RSL1D1: variants seen among roughly 807,000 people sequenced by gnomAD.
RSL1D1 encodes the protein ribosomal L1 domain containing 1.
Under a neutral mutation model 44.6 loss-of-function variants are expected in RSL1D1, and 34 were observed. The observed-to-expected ratio is 0.76, with a 90% CI of 0.58 to 1.02. The LOEUF is 1.02. RSL1D1 is among the 50% of genes least tolerant of loss of function. The pLI is 0.00. For missense variants in RSL1D1, 767 were observed against 568.1 expected, an observed-to-expected ratio of 1.35 and a Z score of -3.56; for synonymous variants, 271 against 207.4, an observed-to-expected ratio of 1.31 and a Z score of -2.63.
At position 11,841,760 on chromosome 16, in the gene RSL1D1, A is replaced by G; in HGVS notation, c.790T>C (p.Phe264Leu). The G allele has an allele frequency of 6.2e-7, 1 of 1,614,112 alleles. No individual in the cohort carries two copies. Among genetic ancestry groups the G allele is most frequent in the Non-Finnish European group, 8.5e-7 (1 of 1,179,988 alleles). ...TCCCAATTGCTGACAAACGAGGAAA[A>G]GATGGGAAGTGCAGCCGATTTCTCA... ...KTEKSAALPI[F>L]SSFVSNWDEA... Residue 264 changes from phenylalanine (F) to leucine (L), a missense_variant, in exon 7 of 9, where the codon TTT (phenylalanine) becomes CTT (leucine). Transcript: ENST00000571133.
intron 5 of RSL1D1, among the ~76,000 whole-genome samples, chr16:11,844,536 C>T (rs1220946995): frequency 1.3e-5 from 2 of 152,222 alleles, no homozygotes; most frequent in Non-Finnish European, 2.9e-5. Context: ...TACTTCATTA[C>T]ACCTGATGAA....
chr16:11,841,622 G>A (rs2053764229), intron 7 of RSL1D1, 73 bp downstream of exon 7: 1 of 1,400,278 alleles, frequency 7.1e-7, no homozygotes, highest in Non-Finnish European at 9.9e-7. Flanking sequence ...AGCGATGATG[G>A]TCTACTTCTC....
chr16:11,851,274 G>C lies in RSL1D1; in HGVS notation c.105+134C>G, dbSNP rs554440883. 2.1e-5 allele frequency: 17 copies of C among 822,290 alleles called. No individual in the cohort carries two copies. In the South Asian group the frequency reaches 2.4e-4, roughly 12 times the overall value. The allele number at this position is 822,290 out of a possible 1,614,324, so 50.9% of individuals were successfully genotyped here. Reference sequence around the variant, plus strand: ...GTGTGTAAAGGGGAGAGACAGCTGAGGCACACGGCCCGCCAGCGACCGTCC... The same window carrying C: ...GTGTGTAAAGGGGAGAGACAGCTGACGCACACGGCCCGCCAGCGACCGTCC... On this transcript the variant is annotated intron_variant, in intron 1 of 8. Transcript: ENST00000571133.
At chr16:11,840,220 A>G (rs1168806053) in intron 7 of RSL1D1, among the ~76,000 whole-genome samples, 1 of 152,206 alleles carries the variant, frequency 6.6e-6, no homozygotes, top group East Asian at 1.9e-4. Flanking sequence ...CTGACTATCT[A>G]AAGTATACAG....
rs776722791 is a variant in RSL1D1 at position 11,839,939 on chromosome 16, T to G, written c.902A>C (p.Glu301Ala). ...RRERNFEKQK[E>A]RKKKRQQARK... ...AGCCTGCTGCCTCTTCTTCTTCCTC[T>G]CCTTTTGTTTTTCAAAATTTCTTTC... Residue 301 changes from glutamate (E) to alanine (A), a missense_variant, in exon 8 of 9, where the codon GAG becomes GCG. Transcript: ENST00000571133. The G allele has an allele frequency of 2.5e-6, 4 of 1,612,180 alleles. No individual in the cohort carries two copies. The highest frequency in any genetic ancestry group is 4.5e-5 in the East Asian group (2 of 44,886).
At chr16:11,843,119 G>C (rs376436500) in intron 5 of RSL1D1, among the ~76,000 whole-genome samples, 66 of 147,176 alleles carry the variant, frequency 4.5e-4, no homozygotes, top group African/African-American at 1.6e-3. Flanking sequence ...TTTTTTAGTA[G>C]AGACGGGGTT....
chr16:11,837,806 T>A lies in RSL1D1; in HGVS notation c.1454A>T (p.Lys485Ile). 13 of 1,609,630 alleles carry A rather than the reference T, an allele frequency of 8.1e-6. No individual in the cohort carries two copies. The highest frequency in any genetic ancestry group is 1.0e-5 in the Non-Finnish European group (12 of 1,178,074). Residue 485 changes from lysine to isoleucine, a missense_variant, in exon 9 of 9, where the codon AAA (lysine) becomes ATA (isoleucine). Transcript: ENST00000571133. ...HTPKKWPKKPKVPQST is the reference protein window; with the variant it reads ...HTPKKWPKKPIVPQST ...CTGACTTTAGGTCGACTGGGGTACT[T>A]TGGGTTTTTTGGGCCATTTTTTGGG...
Position 11,837,883 on chromosome 16 carries a change from CT to C in RSL1D1, c.1376del (p.Glu459GlyfsTer12), listed in dbSNP as rs774203288. On this transcript the variant is annotated frameshift_variant, in exon 9 of 9. Coordinates refer to ENST00000571133, the MANE Select transcript of RSL1D1 (RefSeq NM_015659.3). LOFTEE classifies it low-confidence loss of function (END_TRUNC). Reference protein sequence around the residue: ...KDARQTPKKPEAKFFTTPSKS... With the variant: ...KDARQTPKKPXAKFFTTPSKS... ...TACTAGGAGTGGTGAAAAACTTGGC[CT>C]CTGGCTTTTTTGGAGTCTGTCTCGC... is the stretch of plus-strand genomic sequence containing the variant. 6.2e-7 allele frequency: 1 copy of C among 1,613,978 alleles called. No homozygotes were observed. The highest frequency in any genetic ancestry group is 1.1e-5 in the South Asian group (1 of 91,082).
chr16:11,841,161 G>A (rs1410881588), intron 7 of RSL1D1, among the ~76,000 whole-genome samples: 1 of 152,180 alleles, frequency 6.6e-6, no homozygotes, highest in Non-Finnish European at 1.5e-5. Context: ...TGTAATCCCA[G>A]CACTTTGGGA....
intron 5 of RSL1D1, among the ~76,000 whole-genome samples, chr16:11,845,451 C>T (rs1367685901): frequency 6.6e-6 from 1 of 152,186 alleles, no homozygotes; most frequent in East Asian, 1.9e-4. Context: ...AGCTCAAAGC[C>T]TAGAACTAGT....
chr16:11,850,049 A>C (rs891623113), intron 2 of RSL1D1, among the ~76,000 whole-genome samples: 1 of 151,648 alleles, frequency 6.6e-6, no homozygotes, highest in Non-Finnish European at 1.5e-5. Context: ...CTGGTTTTGA[A>C]CTCCCGACCT....
At position 11,841,797 on chromosome 16, in the gene RSL1D1, C is replaced by T. The variant is rs755260925; in HGVS notation, c.753G>A (p.Leu251=). The change falls in exon 7 of 9, where the codon CTG becomes CTA. Residue 251 remains leucine (L), a synonymous_variant. Coordinates refer to ENST00000571133, the MANE Select transcript of RSL1D1 (RefSeq NM_015659.3). Reference sequence around the variant, plus strand: ...CAGCCGATTTCTCAGTTTTCACAAACAGGAGTTTCACGCTCTCCCACTTCT... The same window carrying T: ...CAGCCGATTTCTCAGTTTTCACAAATAGGAGTTTCACGCTCTCCCACTTCT... ...LPEKWESVKL[L]FVKTEKSAAL... is the part of the protein sequence containing the mutation. 29 of 1,613,822 alleles carry T rather than the reference C, an allele frequency of 1.8e-5. No homozygotes were observed. The South Asian group carries it at 2.9e-4, about 16-fold the overall frequency.
intron 3 of RSL1D1, among the ~76,000 whole-genome samples, chr16:11,847,269 G>C (rs1482199021): frequency 2.0e-5 from 3 of 152,132 alleles, no homozygotes; most frequent in Admixed American, 2.0e-4. Context: ...CAGCTATTCG[G>C]TAGGCTGAGG....
rs1373415472 is a variant in RSL1D1, at chr16:11,837,924, G to T, written c.1336C>A (p.Leu446Met). Residue 446 changes from leucine (L) to methionine (M), a missense_variant, in exon 9 of 9, where the codon CTG becomes ATG. Coordinates refer to ENST00000571133, the MANE Select transcript of RSL1D1 (RefSeq NM_015659.3). ...GTCTGTCTCGCATCTTTTTTCCCCA[G>T]CGAAGGACTTTTTTCCTTCACTGCC... Reference protein sequence around the residue: ...EEAVKEKSPSLGKKDARQTPK... With the variant: ...EEAVKEKSPSMGKKDARQTPK... 3.7e-6 allele frequency: 6 copies of T among 1,613,884 alleles called. No individual in the cohort carries two copies. Among genetic ancestry groups the T allele is most frequent in the Non-Finnish European group, 5.1e-6 (6 of 1,180,024 alleles).
Position 11,835,042 on chromosome 16 carries a change from A to AT in RSL1D1, c.*2744dup. Reference sequence around the variant, plus strand: ...GGGAAGATCGCCTTGAGCCCAGGAAATTGAGGCTGGAGCTGTGATGACACT... The same window carrying AT: ...GGGAAGATCGCCTTGAGCCCAGGAAATTTGAGGCTGGAGCTGTGATGACACT... On this transcript the variant is annotated 3_prime_UTR_variant, in exon 9 of 9. Transcript: ENST00000571133. The AT allele has an allele frequency of 6.6e-6, 1 of 152,260 alleles. No homozygotes were observed. Among genetic ancestry groups the AT allele is most frequent in the Non-Finnish European group, 1.5e-5 (1 of 68,132 alleles). The allele number at this position is 152,260 out of a possible 1,614,324, so 9.4% of individuals were successfully genotyped here.
rs1307138313 is a variant in RSL1D1 at position 11,834,253 on chromosome 16, A to G, written c.*3534T>C. On this transcript the variant is annotated 3_prime_UTR_variant, in exon 9 of 9. Transcript: ENST00000571133. The stretch of plus-strand genomic sequence containing the variant: ...CTTTTTGATGGTATAAAAGCGATAC[A>G]TAATCAGTACAAACCATATACATAC... 6.6e-6 allele frequency: 1 copy of G among 152,250 alleles called. No homozygotes were observed. Among genetic ancestry groups the G allele is most frequent in the Non-Finnish European group, 1.5e-5 (1 of 68,046 alleles). 9.4% of individuals were successfully genotyped at this position (152,250 alleles called of 1,614,324 possible).
intron 1 of RSL1D1, chr16:11,850,999 C>G (rs1457474956): frequency 2.1e-5 from 6 of 286,668 alleles, no homozygotes; most frequent in South Asian, 1.8e-4. Flanking sequence ...CTACTGAGCA[C>G]CTTCTTACCA....
At chr16:11,842,044 T>TTGG (rs1567418908) in intron 5 of RSL1D1, 44 bp from the exon 6 acceptor site, 1 of 1,412,226 alleles carries the variant, frequency 7.1e-7, no homozygotes, top group East Asian at 2.3e-5. Context: ...AAAAACCATT[T>TTGG]TTCAAAATAA....
At position 11,839,875 on chromosome 16, in the gene RSL1D1, T is replaced by A; in HGVS notation, c.966A>T (p.Ala322=). The A allele has an allele frequency of 6.2e-7, 1 of 1,614,190 alleles. No individual in the cohort carries two copies. ...TCACTGTAGTATCACCACTTTCAGG[T>A]GCCACATCATCTTTACTAAGAACTG... The part of the protein sequence containing the change: ...TASVLSKDDV[A]PESGDTTVKK... Residue 322 remains alanine (A), a synonymous_variant, in exon 8 of 9, where the codon GCA becomes GCT. Coordinates refer to ENST00000571133, the MANE Select transcript of RSL1D1 (RefSeq NM_015659.3).
Sources: gnomAD v4.1 joint callset for allele counts (sites outside exome capture counted in the v4.1 genomes callset) on GRCh38, gnomAD v4.1.1 for gene constraint, MANE v1.5 for transcripts, NCBI Gene and HGNC (gene_info 2026-07-23, HGNC 2026-07-21) for gene names.